AP3S2: variants seen among roughly 807,000 people sequenced by gnomAD.
AP3S2 encodes adaptor related protein complex 3 subunit sigma 2, also known as AP-3 complex subunit sigma-2.
In AP3S2, 22 loss-of-function variants were observed where a neutral mutation model predicts 23.4. That is an observed-to-expected ratio of 0.94 (90% CI 0.67 to 1.34). AP3S2 has a LOEUF of 1.34. AP3S2 is among the 40% of genes most tolerant of loss of function. AP3S2 has a pLI of 0.00. For synonymous variants in AP3S2, 86 were observed against 87.1 expected, an observed-to-expected ratio of 0.99 and a Z score of 0.07; for missense variants, 241 against 236.9, an observed-to-expected ratio of 1.02 and a Z score of -0.11.
chr15:89,872,903 GC>G (rs979753783), intron 3 of AP3S2, among the ~76,000 whole-genome samples: 1 of 152,136 alleles, frequency 6.6e-6, no homozygotes, highest in African/African-American at 2.4e-5. Flanking sequence ...ACTGTATTTT[GC>G]CAGATACCAA....
Position 89,832,201 on chromosome 15 carries a change from T to C in AP3S2, c.*3314A>G, listed in dbSNP as rs1895092032. The C allele has an allele frequency of 1.3e-5, 2 of 152,112 alleles. No homozygotes were observed. Among genetic ancestry groups the C allele is most frequent in the African/African-American group, 2.4e-5 (1 of 41,406 alleles). The allele number at this position is 152,112 out of a possible 1,614,324, so 9.4% of individuals were successfully genotyped here. On this transcript the variant is annotated 3_prime_UTR_variant, in exon 6 of 6. Transcript: ENST00000336418. Reference sequence around the variant, plus strand: ...GCTCACACCTGTAATCCCAACATGTTTGGGAGGCCAAGGCGGGAGGATGGC... The same window carrying C: ...GCTCACACCTGTAATCCCAACATGTCTGGGAGGCCAAGGCGGGAGGATGGC...
At chr15:89,842,563 A>C (rs757531457) in intron 4 of AP3S2, among the ~76,000 whole-genome samples, 1 of 152,262 alleles carries the variant, frequency 6.6e-6, no homozygotes, top group African/African-American at 2.4e-5. Context: ...AAAATGGAAC[A>C]ACACCTACAA....
intron 3 of AP3S2, among the ~76,000 whole-genome samples, chr15:89,872,504 A>T (rs1313654549): frequency 6.6e-6 from 1 of 152,244 alleles, no homozygotes; most frequent in African/African-American, 2.4e-5. Flanking sequence ...CCATGTAACT[A>T]CAACCTAGGT....
In AP3S2 at chr15:89,866,363, G is replaced by T. The variant is rs563403220; in HGVS notation, c.345+5112C>A. On this transcript the variant is annotated intron_variant, in intron 4 of 5. Coordinates refer to ENST00000336418, the MANE Select transcript of AP3S2 (RefSeq NM_005829.5). ...GGTTGGGAGGCTACCCCTTCTCCCA[G>T]TGAGAGGGGCTGCACCCAAGCACAA... Among the ~76,000 whole-genome samples the T allele has an allele frequency of 9.9e-5, 15 of 151,286 alleles. No individual in the cohort carries two copies. The East Asian group carries it at 2.7e-3, about 27-fold the overall frequency.
chr15:89,854,439 A>G (rs1224026935), intron 4 of AP3S2, among the ~76,000 whole-genome samples: 1 of 27,446 alleles, frequency 3.6e-5, no homozygotes, highest in African/African-American at 1.4e-4. Flanking sequence ...CCGGGAGGTG[A>G]GGGGCGCCTC....
chr15:89,844,205 CTTTCTCTTTCTTTCTT>C (rs1487807123), intron 4 of AP3S2, among the ~76,000 whole-genome samples: 5 of 133,376 alleles, frequency 3.7e-5, no homozygotes, highest in Non-Finnish European at 8.9e-5. Flanking sequence ...CTCTTTCTTT[CTTTCTCTTTCTTTCTT>C]TCTTTCTTTC....
chr15:89,864,154 T>C (rs982299716), intron 4 of AP3S2, among the ~76,000 whole-genome samples: 9 of 152,246 alleles, frequency 5.9e-5, no homozygotes, highest in African/African-American at 2.2e-4. Context: ...AAATACTTTA[T>C]GGAACTTATC....
At chr15:89,858,501 G>A (rs369855914) in intron 4 of AP3S2, among the ~76,000 whole-genome samples, 51 of 57,908 alleles carry the variant, frequency 8.8e-4, no homozygotes, top group African/African-American at 2.5e-3. Context: ...GAAAGAGAGA[G>A]AGAGAGAGAG....
intron 4 of AP3S2, among the ~76,000 whole-genome samples, chr15:89,844,515 T>A: frequency 6.6e-6 from 1 of 151,764 alleles, no homozygotes. Flanking sequence ...TTTTCTTTTT[T>A]TTTTTAATTT....
At chr15:89,844,749 C>T (rs775126562) in intron 4 of AP3S2, among the ~76,000 whole-genome samples, 1 of 152,152 alleles carries the variant, frequency 6.6e-6, no homozygotes, top group Non-Finnish European at 1.5e-5. Context: ...AGTTAGAACT[C>T]AAACTGCTGT....
At chr15:89,849,063 A>G (rs1184321527) in intron 4 of AP3S2, 2 of 152,306 alleles carry the variant, frequency 1.3e-5, no homozygotes, top group East Asian at 1.9e-4. Context: ...AAATGAACAT[A>G]TGGTAATTAG....
chr15:89,878,008 T>C lies in AP3S2; in HGVS notation c.274-6462A>G, dbSNP rs186648858. ...GTTCGTGAATTCTACTTTTTGAACA[T>C]AAAGTGCTGTAGGTAGAATGAAATC... On this transcript the variant is annotated intron_variant, in intron 3 of 5. Coordinates refer to ENST00000336418, the MANE Select transcript of AP3S2 (RefSeq NM_005829.5). Among the ~76,000 whole-genome samples, 640 of 152,336 alleles carry C rather than the reference T, an allele frequency of 4.2e-3. 3 individuals are homozygous for C. Among genetic ancestry groups the C allele is most frequent in the African/African-American group, 0.014 (599 of 41,584 alleles).
At chr15:89,889,863 C>CAAAAAAAAA (rs940624860) in intron 1 of AP3S2, among the ~76,000 whole-genome samples, 1 of 19,264 alleles carries the variant, frequency 5.2e-5, no homozygotes, top group Non-Finnish European at 1.1e-4. Context: ...GACTCCATCT[C>CAAAAAAAAA]AAAAAAAAAA....
chr15:89,875,205 G>A (rs1002505283), intron 3 of AP3S2, among the ~76,000 whole-genome samples: 3 of 152,176 alleles, frequency 2.0e-5, no homozygotes, highest in Non-Finnish European at 2.9e-5. Context: ...GAGCACATGC[G>A]AGGAGAGCCA....
chr15:89,840,631 T>C (rs1895305770), intron 4 of AP3S2, among the ~76,000 whole-genome samples: 1 of 152,312 alleles, frequency 6.6e-6, no homozygotes, highest in Admixed American at 6.5e-5. Flanking sequence ...TTTCCTCATG[T>C]TGGCCAGGCT....
At chr15:89,840,146 C>T (rs545101560) in intron 4 of AP3S2, among the ~76,000 whole-genome samples, 2 of 152,196 alleles carry the variant, frequency 1.3e-5, no homozygotes, top group Non-Finnish European at 2.9e-5. Context: ...GTGGCGACTG[C>T]ACAACAATGT....
chr15:89,886,564 T>C (rs1157350680), intron 3 of AP3S2: 2 of 152,206 alleles, frequency 1.3e-5, no homozygotes, highest in African/African-American at 2.4e-5. Flanking sequence ...TGGTACACTT[T>C]TAGAATATAT....
At chr15:89,868,693 G>A (rs1307990503) in intron 4 of AP3S2, among the ~76,000 whole-genome samples, 2 of 116,134 alleles carry the variant, frequency 1.7e-5, no homozygotes, top group Admixed American at 7.8e-5. Context: ...GGAGGGAGGT[G>A]GGGGGGTCAG....
intron 1 of AP3S2, chr15:89,893,277 G>A (rs937169598): frequency 3.2e-5 from 5 of 154,752 alleles, no homozygotes; most frequent in African/African-American, 1.2e-4. Flanking sequence ...TGTTTGCAAA[G>A]GAACGTGTTG....
Sources: gnomAD v4.1 joint callset for allele counts (sites outside exome capture counted in the v4.1 genomes callset) on GRCh38, gnomAD v4.1.1 for gene constraint, MANE v1.5 for transcripts, NCBI Gene and HGNC (gene_info 2026-07-23, HGNC 2026-07-21) for gene names.